The following CCSER1 variants were observed in gnomAD, a reference collection of about 807,000 sequenced individuals.
CCSER1 encodes coiled-coil serine rich protein 1, also known as serine-rich coiled-coil domain-containing protein 1.
CCSER1 carries 41 observed loss-of-function variants against 82.0 expected under a neutral mutation model. The observed-to-expected ratio is 0.50, with a 90% CI of 0.39 to 0.65. The LOEUF is 0.65. Ranked by LOEUF, CCSER1 falls within the 30% of genes least tolerant of loss-of-function variation. The pLI, the probability that CCSER1 is intolerant of heterozygous loss-of-function variation, is 0.00. For missense variants in CCSER1, 1,119 were observed against 1,064.2 expected (o/e 1.05, Z -0.72); for synonymous variants, 414 against 383.9 (o/e 1.08, Z -0.92).
intron 10 of CCSER1, among the ~76,000 whole-genome samples, chr4:91,374,898 A>T (rs1750296206): frequency 1.3e-5 from 2 of 152,264 alleles, no homozygotes; most frequent in East Asian, 1.9e-4. Context: ...TAGGAGGCTG[A>T]TGCTGGAGAA....
intron 10 of CCSER1, among the ~76,000 whole-genome samples, chr4:91,174,199 C>T (rs965671266): frequency 1.3e-4 from 20 of 152,226 alleles, no homozygotes; most frequent in Middle Eastern, 3.4e-3. Flanking sequence ...GCTTAAATAA[C>T]ACATTCTATT....
chr4:90,875,805 G>A (rs1767130556), intron 8 of CCSER1, among the ~76,000 whole-genome samples: 1 of 152,130 alleles, frequency 6.6e-6, no homozygotes, highest in Non-Finnish European at 1.5e-5. Flanking sequence ...TGCACAGGAA[G>A]CCTAGTCATT....
intron 10 of CCSER1, among the ~76,000 whole-genome samples, chr4:91,398,655 T>C (rs1264313337): frequency 6.6e-6 from 1 of 151,778 alleles, no homozygotes; most frequent in Non-Finnish European, 1.5e-5. Context: ...TATTTAGAGA[T>C]ACCTGGCAGA....
At chr4:91,083,384 G>C (rs1343935254) in intron 9 of CCSER1, among the ~76,000 whole-genome samples, 1 of 151,960 alleles carries the variant, frequency 6.6e-6, no homozygotes, top group Admixed American at 6.6e-5. Context: ...ACACAAGGTG[G>C]GGAACATCAC....
At chr4:90,290,423 C>G (rs1490259787) in intron 1 of CCSER1, among the ~76,000 whole-genome samples, 1 of 151,838 alleles carries the variant, frequency 6.6e-6, no homozygotes, top group African/African-American at 2.4e-5. Context: ...TTAGGTTTTC[C>G]TTCCAGTTTC....
chr4:90,133,731 G>A (rs1337146365), intron 1 of CCSER1, among the ~76,000 whole-genome samples: 1 of 152,070 alleles, frequency 6.6e-6, no homozygotes, highest in African/African-American at 2.4e-5. Flanking sequence ...CGGTTGCCCT[G>A]TTATATATAG....
intron 10 of CCSER1, among the ~76,000 whole-genome samples, chr4:91,329,857 T>C (rs138506200): frequency 6.6e-6 from 1 of 152,310 alleles, no homozygotes; most frequent in Non-Finnish European, 1.5e-5. Context: ...TAATTCCCAA[T>C]GTTATTTATA....
chr4:91,024,550 C>T (rs1030982992), intron 9 of CCSER1, among the ~76,000 whole-genome samples: 2 of 151,900 alleles, frequency 1.3e-5, no homozygotes, highest in South Asian at 2.1e-4. Flanking sequence ...ATACTAAAAT[C>T]CTTCATTAAC....
chr4:91,181,428 G>C (rs979938708), intron 10 of CCSER1, among the ~76,000 whole-genome samples: 6 of 152,174 alleles, frequency 3.9e-5, no homozygotes, highest in African/African-American at 1.2e-4. Flanking sequence ...TGGCATTAAG[G>C]TCAGGTGTGC....
Position 90,827,163 on chromosome 4 carries a change from T to C in CCSER1, c.2094+11318T>C, listed in dbSNP as rs79879118. On this transcript the variant is annotated intron_variant, in intron 8 of 10. Transcript: ENST00000509176. ...GCAAGGGGAGGAATATCCGTGCAGT[T>C]TCTGGGAATAGGCAGAGAAAATCTC... Among the ~76,000 whole-genome samples, 881 of 152,318 alleles carry C rather than the reference T, an allele frequency of 5.8e-3. 6 individuals carry two copies. The highest frequency in any genetic ancestry group is 8.8e-3 in the Non-Finnish European group (601 of 68,026).
At chr4:90,351,622 G>T (rs375865615) in intron 3 of CCSER1, among the ~76,000 whole-genome samples, 1 of 152,098 alleles carries the variant, frequency 6.6e-6, no homozygotes, top group African/African-American at 2.4e-5. Flanking sequence ...AAAGTACATT[G>T]TGTGTATGTA....
At chr4:90,669,374 G>T (rs528029165) in intron 6 of CCSER1, among the ~76,000 whole-genome samples, 3 of 152,048 alleles carry the variant, frequency 2.0e-5, no homozygotes, top group African/African-American at 7.2e-5. Flanking sequence ...ATGTTCAAGT[G>T]TAAATTTTAA....
intron 10 of CCSER1, among the ~76,000 whole-genome samples, chr4:91,136,989 T>C (rs1728529107): frequency 6.8e-6 from 1 of 146,660 alleles, no homozygotes. Flanking sequence ...ACTTTAGTGA[T>C]TATAGAAATG....
At position 90,308,162 on chromosome 4, in the gene CCSER1, C is replaced by T. The variant is rs76951353; in HGVS notation, c.-41-82C>T. 22,996 of 1,070,080 alleles carry T rather than the reference C, an allele frequency of 0.021. 1,617 individuals are homozygous for T. In the African/African-American group the frequency reaches 0.22, roughly 10 times the overall value. The allele number at this position is 1,070,080 out of a possible 1,614,324, so 66.3% of individuals were successfully genotyped here. A position where few individuals can be genotyped will look rare whatever the true frequency, so the allele number is the denominator to read the frequency against. The stretch of plus-strand genomic sequence containing the variant: ...ATAAACTAAATTCTATTTTGTGTCT[C>T]GAAAAGCAATATTTTGTTTTAAAAT... On this transcript the variant is annotated intron_variant, in intron 1 of 10. Transcript: ENST00000509176.
At chr4:91,242,496 CAA>C (rs904572534) in intron 10 of CCSER1, among the ~76,000 whole-genome samples, 3 of 152,094 alleles carry the variant, frequency 2.0e-5, no homozygotes, top group African/African-American at 7.2e-5. Flanking sequence ...AAAATTATCT[CAA>C]AATGGATTAT....
chr4:91,144,701 C>T (rs1729379334), intron 10 of CCSER1, among the ~76,000 whole-genome samples: 1 of 151,054 alleles, frequency 6.6e-6, no homozygotes, highest in African/African-American at 2.4e-5. Context: ...GGATTTCTGC[C>T]TTAATTTCAT....
chr4:90,622,789 G>T (rs1421845972), intron 5 of CCSER1, among the ~76,000 whole-genome samples: 1 of 151,954 alleles, frequency 6.6e-6, no homozygotes, highest in African/African-American at 2.4e-5. Context: ...CCCAGTAATG[G>T]GATGGCTGGG....
intron 10 of CCSER1, among the ~76,000 whole-genome samples, chr4:91,291,877 A>G (rs538827973): frequency 2.0e-5 from 3 of 152,202 alleles, no homozygotes; most frequent in South Asian, 2.1e-4. Flanking sequence ...ATTCCAGTCC[A>G]TCCACATCAC....
chr4:90,671,657 A>G (rs1171579364), intron 6 of CCSER1, among the ~76,000 whole-genome samples: 4 of 151,998 alleles, frequency 2.6e-5, no homozygotes, highest in African/African-American at 9.7e-5. Context: ...GTTAATGTTG[A>G]TATTTTGACT....
Sources: allele counts gnomAD v4.1 joint callset (sites outside exome capture counted in the v4.1 genomes callset), GRCh38; gene constraint gnomAD v4.1.1; transcripts MANE v1.5; gene names NCBI Gene and HGNC (gene_info 2026-07-23, HGNC 2026-07-21).